Variants in RALYL observed in about 807,000 individuals in gnomAD.
RALYL encodes the protein RALY RNA binding protein like, also known as RNA-binding Raly-like protein.
RALYL carries 29 observed loss-of-function variants against 35.1 expected under a neutral mutation model. That is an observed-to-expected ratio of 0.83 (90% confidence interval 0.61 to 1.13). The LOEUF is 1.13. Among genes scored for constraint, RALYL ranks in the 50% most tolerant of loss-of-function variants. RALYL has a pLI of 0.00. For missense variants in RALYL, 359 were observed against 360.4 expected (o/e 1.00, Z 0.03); for synonymous variants, 120 against 127.6 (o/e 0.94, Z 0.40).
chr8:84,271,577 A>G (rs1455234544), intron 1 of RALYL, among the ~76,000 whole-genome samples: 1 of 151,832 alleles, frequency 6.6e-6, no homozygotes, highest in Non-Finnish European at 1.5e-5. Flanking sequence ...TTATAGGTAA[A>G]TTGAATAAAC....
At chr8:84,907,006 C>G in intron 8 of RALYL, 1 of 981,428 alleles carries the variant, frequency 1.0e-6, no homozygotes, top group South Asian at 4.7e-5. Context: ...AAAGTTCAGG[C>G]CTTTGGAAAG....
chr8:84,790,348 T>G (rs1327576445), intron 3 of RALYL, among the ~76,000 whole-genome samples: 1 of 152,204 alleles, frequency 6.6e-6, no homozygotes, highest in African/African-American at 2.4e-5. Flanking sequence ...TGAGGGTCTA[T>G]GTAGGAACAA....
chr8:84,426,579 A>G (rs1458545758), intron 1 of RALYL, among the ~76,000 whole-genome samples: 1 of 152,120 alleles, frequency 6.6e-6, no homozygotes, highest in African/African-American at 2.4e-5. Flanking sequence ...GTTGTAGCAA[A>G]TGACAAGATC....
chr8:84,502,782 C>T (rs1376708839), intron 1 of RALYL, among the ~76,000 whole-genome samples: 2 of 151,738 alleles, frequency 1.3e-5, no homozygotes, highest in Non-Finnish European at 2.9e-5. Flanking sequence ...CTTGGAATTT[C>T]ATCGAGTATT....
chr8:84,489,995 G>A (rs1410347005), intron 1 of RALYL, among the ~76,000 whole-genome samples: 1 of 151,722 alleles, frequency 6.6e-6, no homozygotes, highest in Non-Finnish European at 1.5e-5. Context: ...GAATGAAGTT[G>A]AATTTTAATG....
chr8:84,234,366 A>G (rs893460524), intron 1 of RALYL, among the ~76,000 whole-genome samples: 1 of 152,206 alleles, frequency 6.6e-6, no homozygotes, highest in Non-Finnish European at 1.5e-5. Context: ...TTATAAAATG[A>G]CATGCTTCTT....
intron 2 of RALYL, among the ~76,000 whole-genome samples, chr8:84,629,411 G>A (rs1464019804): frequency 1.3e-5 from 2 of 152,076 alleles, no homozygotes; most frequent in East Asian, 1.9e-4. Context: ...CTACTTCTGG[G>A]CATTCACCCT....
At chr8:84,417,564 G>A (rs1284043792) in intron 1 of RALYL, among the ~76,000 whole-genome samples, 1 of 151,388 alleles carries the variant, frequency 6.6e-6, no homozygotes, top group East Asian at 1.9e-4. Context: ...TACCTTCCTA[G>A]GTCAACTGAG....
At chr8:84,579,125 C>T (rs372250988) in intron 2 of RALYL, among the ~76,000 whole-genome samples, 1 of 152,160 alleles carries the variant, frequency 6.6e-6, no homozygotes, top group African/African-American at 2.4e-5. Flanking sequence ...CAGCCCTCAG[C>T]CCCCCTAGGC....
At chr8:84,812,431 C>T (rs573419979) in intron 4 of RALYL, among the ~76,000 whole-genome samples, 2 of 152,166 alleles carry the variant, frequency 1.3e-5, no homozygotes, top group East Asian at 3.9e-4. Context: ...TGGCACTTTC[C>T]AGGGAGCATC....
chr8:84,317,203 A>C lies in RALYL; in HGVS notation c.-24+132779A>C, dbSNP rs974766292. 4.7e-5 allele frequency among the ~76,000 whole-genome samples: 7 copies of C among 150,370 alleles called. No individual in the cohort carries two copies. The East Asian group carries it at 1.4e-3, about 30-fold the overall frequency. On this transcript the variant is annotated intron_variant, in intron 1 of 8. Transcript: ENST00000521268. The stretch of plus-strand genomic sequence containing the variant: ...CATCTTTCATAGTATGAGATACAGC[A>C]AAGAGATTGAAAACATTATGTTAGA...
intron 4 of RALYL, among the ~76,000 whole-genome samples, chr8:84,806,984 G>A (rs182251179): frequency 7.9e-5 from 12 of 152,136 alleles, no homozygotes; most frequent in Non-Finnish European, 1.3e-4. Context: ...TCACCCCAGC[G>A]TAGGCAACAA....
intron 6 of RALYL, chr8:84,864,596 G>A: frequency 4.1e-6 from 1 of 244,700 alleles, no homozygotes. Context: ...TTTATCCTAA[G>A]GATTAAATCT....
chr8:84,780,819 C>A (rs1216783179), intron 3 of RALYL, among the ~76,000 whole-genome samples: 1 of 152,132 alleles, frequency 6.6e-6, no homozygotes, highest in East Asian at 1.9e-4. Context: ...AAGAAAACAT[C>A]TATGATAAAG....
chr8:84,719,568 T>C (rs1843517271), intron 2 of RALYL, among the ~76,000 whole-genome samples: 1 of 152,170 alleles, frequency 6.6e-6, no homozygotes, highest in Non-Finnish European at 1.5e-5. Flanking sequence ...GAAATCCATA[T>C]TATAATTTTC....
At chr8:84,192,124 A>G (rs1381756154) in intron 1 of RALYL, among the ~76,000 whole-genome samples, 3 of 152,254 alleles carry the variant, frequency 2.0e-5, no homozygotes, top group African/African-American at 7.2e-5. Flanking sequence ...TATAAAGGCT[A>G]TAGTGCCATT....
chr8:84,654,471 G>A (rs1170514564), intron 2 of RALYL, among the ~76,000 whole-genome samples: 2 of 151,282 alleles, frequency 1.3e-5, no homozygotes, highest in Non-Finnish European at 3.0e-5. Flanking sequence ...ATTTTTAAAT[G>A]TGCAATTAAT....
intron 2 of RALYL, among the ~76,000 whole-genome samples, chr8:84,696,467 G>T (rs567905361): frequency 1.6e-3 from 240 of 151,956 alleles, no homozygotes; most frequent in African/African-American, 5.3e-3. Context: ...GAAGCTGGGA[G>T]CCAAAGGTTT....
intron 1 of RALYL, among the ~76,000 whole-genome samples, chr8:84,310,703 A>G (rs1345684471): frequency 6.6e-6 from 1 of 152,214 alleles, no homozygotes; most frequent in African/African-American, 2.4e-5. Flanking sequence ...ACAGCATTTG[A>G]TAGAATTTTT....
Sources: gnomAD v4.1 joint callset for allele counts (sites outside exome capture counted in the v4.1 genomes callset) on GRCh38, gnomAD v4.1.1 for gene constraint, MANE v1.5 for transcripts, NCBI Gene and HGNC (gene_info 2026-07-23, HGNC 2026-07-21) for gene names.